Variants in PPP2R1A observed in about 807,000 individuals in gnomAD.
The protein encoded by PPP2R1A is protein phosphatase 2 scaffold subunit Aalpha.
PPP2R1A carries 15 observed loss-of-function variants against 67.1 expected under a neutral mutation model. The observed-to-expected ratio is 0.22, with a 90% CI of 0.15 to 0.34. The LOEUF is 0.34. PPP2R1A is among the 10% of genes least tolerant of loss of function. The pLI, the probability that PPP2R1A is intolerant of heterozygous loss-of-function variation, is 1.00. For missense variants in PPP2R1A, 369 were observed against 775.0 expected, an observed-to-expected ratio of 0.48 and a Z score of 6.22; for synonymous variants, 337 against 325.0, an observed-to-expected ratio of 1.04 and a Z score of -0.40.
intron 2 of PPP2R1A, 74 bp from the exon 3 acceptor site, chr19:52,205,889 G>A: frequency 2.5e-6 from 3 of 1,222,066 alleles, no homozygotes; most frequent in Non-Finnish European, 3.6e-6. Context: ...GCAGAATGGA[G>A]TCCATGTGTT....
rs532028952 is a variant in PPP2R1A, at chr19:52,213,972, A to G, written c.807+862A>G. On this transcript the variant is annotated intron_variant, in intron 6 of 14. Coordinates refer to ENST00000322088, the MANE Select transcript of PPP2R1A (RefSeq NM_014225.6). The surrounding 1 kb of genome is among the most constrained non-coding windows in gnomAD (Gnocchi z 4.2). ...TGAATTCGGATCATTCCTGGCCTTC[A>G]TGGAGCTAGGCAGTCTGAAGGGGAA... Among the ~76,000 whole-genome samples, 14 of 152,178 alleles carry G rather than the reference A, an allele frequency of 9.2e-5. No individual in the cohort carries two copies. The highest frequency in any genetic ancestry group is 3.4e-4 in the African/African-American group (14 of 41,516).
intron 1 of PPP2R1A, among the ~76,000 whole-genome samples, chr19:52,192,250 G>C (rs1402099418): frequency 6.6e-6 from 1 of 151,942 alleles, no homozygotes; most frequent in Non-Finnish European, 1.5e-5. Context: ...GAGATTGAAA[G>C]AAGGTGGGGG....
Position 52,196,023 on chromosome 19 carries a change from C to T in PPP2R1A, c.78+5849C>T, listed in dbSNP as rs573229826. On this transcript the variant is annotated intron_variant, in intron 1 of 14. Coordinates refer to ENST00000322088, the MANE Select transcript of PPP2R1A (RefSeq NM_014225.6). ...CTATCTTTCCAGTGACCATGGACCC[C>T]ATCCTGAAGGTATCAGTCAACATTA... is the stretch of plus-strand genomic sequence containing the variant. Among the ~76,000 whole-genome samples, 5 of 152,296 alleles carry T rather than the reference C, an allele frequency of 3.3e-5. No homozygotes were observed. In the South Asian group the frequency reaches 1.0e-3, roughly 32 times the overall value.
chr19:52,209,791 A>G (rs1022530258), intron 3 of PPP2R1A, among the ~76,000 whole-genome samples: 2 of 152,206 alleles, frequency 1.3e-5, no homozygotes, highest in Non-Finnish European at 2.9e-5. Context: ...TTCCCTTGGC[A>G]TAACATCTTC....
intron 1 of PPP2R1A, among the ~76,000 whole-genome samples, chr19:52,193,612 GTC>G (rs2089472786): frequency 6.6e-6 from 1 of 152,034 alleles, no homozygotes; most frequent in African/African-American, 2.4e-5. Flanking sequence ...TTGAGACAGA[GTC>G]TCACTCTGTC....
chr19:52,208,497 T>A (rs187553255), intron 3 of PPP2R1A, among the ~76,000 whole-genome samples: 327 of 150,622 alleles, frequency 2.2e-3, no homozygotes, highest in Admixed American at 5.3e-3. Context: ...TCAGCAGCTC[T>A]TTTTATTTTT....
rs1391231356 is a variant in PPP2R1A, at chr19:52,212,082, G to GT, written c.503+596dup. On this transcript the variant is annotated intron_variant, in intron 4 of 14. Coordinates refer to ENST00000322088, the MANE Select transcript of PPP2R1A (RefSeq NM_014225.6). This position sits in a 1 kb window ranked among gnomAD's most constrained non-coding sequence, Gnocchi z 4.1. ...TCTAGACCTGCCTCTTAGTTAAGCAGTTTTTTGTTTGTTTGTTTTTTGAGA... is the reference window on the plus strand; with the variant it reads ...TCTAGACCTGCCTCTTAGTTAAGCAGTTTTTTTGTTTGTTTGTTTTTTGAGA... Among the ~76,000 whole-genome samples, 2 of 152,184 alleles carry GT rather than the reference G, an allele frequency of 1.3e-5. No homozygotes were observed. Among genetic ancestry groups the GT allele is most frequent in the African/African-American group, 4.8e-5 (2 of 41,442 alleles).
intron 3 of PPP2R1A, among the ~76,000 whole-genome samples, chr19:52,210,580 C>T (rs1047065239): frequency 2.0e-4 from 30 of 151,194 alleles, no homozygotes; most frequent in African/African-American, 7.3e-4. Context: ...GCAGCCTCTG[C>T]CTCCCGGGTT....
intron 6 of PPP2R1A, among the ~76,000 whole-genome samples, chr19:52,214,978 T>G (rs1808533): frequency 1 from 151,828 of 152,322 alleles, 75,696 homozygotes; most frequent in Middle Eastern, 1. Flanking sequence ...CACCCACCTC[T>G]GTCTCCCAAA....
chr19:52,190,783 C>T (rs1281694428), intron 1 of PPP2R1A, among the ~76,000 whole-genome samples: 1 of 152,190 alleles, frequency 6.6e-6, no homozygotes, highest in Non-Finnish European at 1.5e-5. Context: ...GTTGTAGAAA[C>T]CCGCCTCCCC....
rs748943984 is a variant in PPP2R1A at position 52,222,113 on chromosome 19, C to G, written c.1533C>G (p.Val511=). ...CTGGCCCCCAGGTGCTGTCTGAGGTCTGTGGGCAGGACATCACCACCAAGC... is the reference window on the plus strand; with the variant it reads ...CTGGCCCCCAGGTGCTGTCTGAGGTGTGTGGGCAGGACATCACCACCAAGC... ...TLFCINVLSE[V]CGQDITTKHM... Residue 511 remains valine (V), a synonymous_variant, in exon 13 of 15, where the codon GTC becomes GTG. Transcript: ENST00000322088. 1.9e-6 allele frequency: 3 copies of G among 1,612,746 alleles called. No individual in the cohort carries two copies. Among genetic ancestry groups the G allele is most frequent in the Non-Finnish European group, 2.5e-6 (3 of 1,179,480 alleles).
intron 1 of PPP2R1A, among the ~76,000 whole-genome samples, chr19:52,198,208 A>G (rs1169550717): frequency 1.3e-5 from 2 of 152,236 alleles, no homozygotes; most frequent in Non-Finnish European, 2.9e-5. Flanking sequence ...TCCACAGCTA[A>G]TATGTAAGCA....
In PPP2R1A at chr19:52,226,105, C is replaced by T. The variant is rs1979244105; in HGVS notation, c.*124C>T. The T allele has an allele frequency of 6.9e-7, 1 of 1,448,910 alleles. No individual in the cohort carries two copies. Among genetic ancestry groups the T allele is most frequent in the Non-Finnish European group, 9.6e-7 (1 of 1,041,026 alleles). 89.8% of individuals were successfully genotyped at this position (1,448,910 alleles called of 1,614,324 possible). A position where few individuals can be genotyped will look rare whatever the true frequency, so the allele number is the denominator to read the frequency against. On this transcript the variant is annotated 3_prime_UTR_variant, in exon 15 of 15. Transcript: ENST00000322088. ...CTGTGCATGGTCTGACCCCAGGCCC[C>T]TTCCCCCAGCACGGTTCCTCCTCTC...
At chr19:52,194,502 T>G (rs1399969467) in intron 1 of PPP2R1A, among the ~76,000 whole-genome samples, 1 of 152,022 alleles carries the variant, frequency 6.6e-6, no homozygotes, top group African/African-American at 2.4e-5. Flanking sequence ...AAAGGATCCT[T>G]CCTCTGGCTG....
intron 13 of PPP2R1A, 101 bp from the exon 14 acceptor site, chr19:52,225,616 C>CGT: frequency 9.6e-7 from 1 of 1,043,554 alleles, no homozygotes; most frequent in Non-Finnish European, 1.5e-6. Flanking sequence ...TTGGTGTATC[C>CGT]GTGTCTGTGT....
At position 52,216,810 on chromosome 19, in the gene PPP2R1A, A is replaced by G; in HGVS notation, c.1128+147A>G. 7.9e-7 allele frequency: 1 copy of G among 1,273,106 alleles called. No homozygotes were observed. Among genetic ancestry groups the G allele is most frequent in the Non-Finnish European group, 1.1e-6 (1 of 918,230 alleles). 78.9% of individuals were successfully genotyped at this position (1,273,106 alleles called of 1,614,324 possible). ...TGCTGAGTTGCATGTTTGTGGGCAT[A>G]GCTGTGTGTTCATGCGTTCATTCCT... On this transcript the variant is annotated intron_variant, in intron 9 of 14. Transcript: ENST00000322088. This position sits in a 1 kb window ranked among gnomAD's most constrained non-coding sequence, Gnocchi z 4.3.
Position 52,220,205 on chromosome 19 carries a change from A to C in PPP2R1A, c.1319A>C (p.Asp440Ala). ...LAGQLGVEFF[D>A]EKLNSLCMAW... Reference sequence around the variant, plus strand: ...CTCCTGTAGGGAGTGGAGTTCTTTGATGAGAAACTTAACTCCTTGTGCATG... The same window carrying C: ...CTCCTGTAGGGAGTGGAGTTCTTTGCTGAGAAACTTAACTCCTTGTGCATG... Residue 440 changes from aspartate (D) to alanine (A), a missense_variant, in exon 11 of 15, where the codon GAT (aspartate) becomes GCT (alanine). Asp to Ala is a moderately radical substitution (Grantham distance 126). Transcript: ENST00000322088. 6.2e-7 allele frequency: 1 copy of C among 1,613,978 alleles called. No individual in the cohort carries two copies. The highest frequency in any genetic ancestry group is 8.5e-7 in the Non-Finnish European group (1 of 1,179,990).
At chr19:52,200,651 G>C (rs567315873) in intron 1 of PPP2R1A, among the ~76,000 whole-genome samples, 8 of 152,308 alleles carry the variant, frequency 5.3e-5, no homozygotes, top group African/African-American at 1.9e-4. Context: ...TGAAATCAAG[G>C]TCTCGGCAGG....
At chr19:52,221,976 C>T in intron 12 of PPP2R1A, 123 bp from the exon 13 acceptor site, 1 of 963,426 alleles carries the variant, frequency 1.0e-6, no homozygotes, top group Non-Finnish European at 1.5e-6. Flanking sequence ...CTAACTGAGT[C>T]ACCCGTATTG....
Sources: allele counts gnomAD v4.1 joint callset (sites outside exome capture counted in the v4.1 genomes callset), GRCh38; gene constraint gnomAD v4.1.1; non-coding constraint Gnocchi (gnomAD v3.1); transcripts MANE v1.5; gene names NCBI Gene and HGNC (gene_info 2026-07-23, HGNC 2026-07-21).